DLG2: variants seen among roughly 807,000 people sequenced by gnomAD.
The protein encoded by DLG2 is discs large MAGUK scaffold protein 2.
DLG2 carries 45 observed loss-of-function variants against 132.5 expected under a neutral mutation model. The observed-to-expected ratio is 0.34, with a 90% CI of 0.27 to 0.44. The LOEUF (loss-of-function observed/expected upper bound fraction) is 0.44, where lower values mean the gene tolerates loss of function less well. Among genes scored for constraint, DLG2 ranks in the 20% least tolerant of loss-of-function variants. The pLI is 1.00. For missense variants in DLG2, 1,045 were observed against 1,196.9 expected (o/e 0.87, Z 1.87); for synonymous variants, 424 against 419.6 (o/e 1.01, Z -0.13).
intron 6 of DLG2, among the ~76,000 whole-genome samples, chr11:84,670,505 C>T (rs2099704593): frequency 6.6e-6 from 1 of 152,152 alleles, no homozygotes; most frequent in Non-Finnish European, 1.5e-5. Context: ...CCAGAGGCTA[C>T]AGAACACACA....
chr11:84,362,319 TC>T (rs754802555), intron 7 of DLG2, among the ~76,000 whole-genome samples: 16 of 151,934 alleles, frequency 1.1e-4, no homozygotes, highest in Non-Finnish European at 2.2e-4. Flanking sequence ...CTCTAAGAAA[TC>T]CCTGGTGAAT....
chr11:85,271,785 A>G (rs142839482), intron 4 of DLG2, among the ~76,000 whole-genome samples: 96 of 152,278 alleles, frequency 6.3e-4, no homozygotes, highest in Admixed American at 2.5e-3. Context: ...TGGAACAAGT[A>G]TTTACCCAAT....
rs181262076 is a variant in DLG2, at chr11:84,410,505, A to G, written c.519+124065T>C. Among the ~76,000 whole-genome samples the G allele has an allele frequency of 4.9e-4, 74 of 152,250 alleles. 2 individuals are homozygous for G. In the East Asian group the frequency reaches 0.013, roughly 26 times the overall value. On this transcript the variant is annotated intron_variant, in intron 7 of 27. Coordinates refer to ENST00000376104, the MANE Select transcript of DLG2 (RefSeq NM_001142699.3). ...TTGGTGGCTTATTCCAAAAAAAAGA[A>G]AAAGTGTATAGAAAACACCTATCAA...
intron 10 of DLG2, among the ~76,000 whole-genome samples, chr11:84,060,820 A>G (rs7924360): frequency 2.0e-5 from 3 of 151,706 alleles, no homozygotes; most frequent in Non-Finnish European, 4.4e-5. Flanking sequence ...CTTTTCCCCC[A>G]CCACCACGCA....
At chr11:84,386,236 A>G (rs991268061) in intron 7 of DLG2, among the ~76,000 whole-genome samples, 2 of 151,914 alleles carry the variant, frequency 1.3e-5, no homozygotes, top group African/African-American at 4.8e-5. Context: ...CCCTTATATG[A>G]GTATACCTCT....
intron 11 of DLG2, among the ~76,000 whole-genome samples, chr11:84,057,137 C>G (rs2096517215): frequency 6.6e-6 from 1 of 152,106 alleles, no homozygotes; most frequent in South Asian, 2.1e-4. Flanking sequence ...ACTCCGGGCT[C>G]AAGGAAGAAA....
At chr11:85,123,883 A>C (rs77161956) in intron 5 of DLG2, among the ~76,000 whole-genome samples, 3,362 of 152,294 alleles carry the variant, frequency 0.022, 55 homozygotes, top group Admixed American at 0.042. Flanking sequence ...ATGGAAGAAG[A>C]AGCTAAAACA....
chr11:84,080,680 C>T (rs2096889187), intron 10 of DLG2, among the ~76,000 whole-genome samples: 1 of 152,108 alleles, frequency 6.6e-6, no homozygotes, highest in Admixed American at 6.6e-5. Context: ...TTTTTCAATT[C>T]ATTGTTTTCT....
chr11:85,039,962 G>A (rs931761994), intron 6 of DLG2, among the ~76,000 whole-genome samples: 5 of 151,770 alleles, frequency 3.3e-5, no homozygotes, highest in African/African-American at 1.2e-4. Context: ...TCTCTCCTTT[G>A]GAAGATGGAG....
chr11:85,274,483 T>C (rs2077759251), intron 4 of DLG2, among the ~76,000 whole-genome samples: 1 of 152,196 alleles, frequency 6.6e-6, no homozygotes, highest in African/African-American at 2.4e-5. Flanking sequence ...AACTAGGTAC[T>C]ATAGCATAGC....
chr11:84,916,274 G>A (rs1437886202), intron 6 of DLG2, among the ~76,000 whole-genome samples: 3 of 145,766 alleles, frequency 2.1e-5, no homozygotes, highest in Non-Finnish European at 4.5e-5. Context: ...GCGTGAACCC[G>A]GGAGGCGGAG....
At chr11:85,231,559 A>AT (rs980504565) in intron 4 of DLG2, among the ~76,000 whole-genome samples, 4 of 151,504 alleles carry the variant, frequency 2.6e-5, no homozygotes, top group African/African-American at 9.7e-5. Context: ...TCTATTGACT[A>AT]TTTTTTTTCA....
At chr11:85,189,452 T>A (rs1473752016) in intron 4 of DLG2, among the ~76,000 whole-genome samples, 3 of 152,198 alleles carry the variant, frequency 2.0e-5, no homozygotes, top group Non-Finnish European at 4.4e-5. Flanking sequence ...ACAACTTGAA[T>A]GTATCTCAAT....
At chr11:85,035,417 G>C (rs545049858) in intron 6 of DLG2, among the ~76,000 whole-genome samples, 3 of 152,296 alleles carry the variant, frequency 2.0e-5, no homozygotes, top group South Asian at 2.1e-4. Context: ...AGAGGCTTCA[G>C]GAAACTTACA....
intron 6 of DLG2, among the ~76,000 whole-genome samples, chr11:84,746,959 A>G (rs1229500700): frequency 6.6e-6 from 1 of 152,178 alleles, no homozygotes; most frequent in Non-Finnish European, 1.5e-5. Flanking sequence ...ACTTTTCCCA[A>G]GAACCCCATG....
intron 5 of DLG2, among the ~76,000 whole-genome samples, chr11:85,125,352 G>T (rs1180739977): frequency 6.6e-6 from 1 of 152,092 alleles, no homozygotes; most frequent in Non-Finnish European, 1.5e-5. Flanking sequence ...TGTTTGGAGG[G>T]AAAACCATTT....
chr11:84,162,556 A>G (rs1276540941), intron 9 of DLG2, among the ~76,000 whole-genome samples: 1 of 152,072 alleles, frequency 6.6e-6, no homozygotes. Context: ...CTTCACTATT[A>G]TAAACCATAT....
intron 19 of DLG2, among the ~76,000 whole-genome samples, chr11:83,589,959 C>T (rs1194780801): frequency 3.1e-4 from 44 of 141,924 alleles, no homozygotes; most frequent in African/African-American, 1.1e-3. Flanking sequence ...AATATATATG[C>T]ACCCAATACA....
At chr11:84,133,124 C>T (rs2154219605) in intron 9 of DLG2, among the ~76,000 whole-genome samples, 1 of 152,080 alleles carries the variant, frequency 6.6e-6, no homozygotes, top group Non-Finnish European at 1.5e-5. Flanking sequence ...GCATAGGCAA[C>T]CAGACAGGAA....
Sources: gnomAD v4.1 joint callset for allele counts (sites outside exome capture counted in the v4.1 genomes callset) on GRCh38, gnomAD v4.1.1 for gene constraint, MANE v1.5 for transcripts, NCBI Gene and HGNC (gene_info 2026-07-23, HGNC 2026-07-21) for gene names.